The following TNS3 variants were observed in gnomAD, a reference collection of about 807,000 sequenced individuals.
TNS3 encodes tensin-3.
In TNS3, 45 loss-of-function variants were observed where a neutral mutation model predicts 140.9. The ratio of observed to expected loss-of-function variants is 0.32; its 90% CI spans 0.25 to 0.41. The LOEUF is 0.41. Ranked by LOEUF, TNS3 falls within the 10% of genes least tolerant of loss-of-function variation. The pLI, the probability that TNS3 is intolerant of heterozygous loss-of-function variation, is 1.00. For missense variants in TNS3, 1,716 were observed against 1,906.7 expected, an observed-to-expected ratio of 0.90 and a Z score of 1.86; for synonymous variants, 815 against 788.4, an observed-to-expected ratio of 1.03 and a Z score of -0.56.
At chr7:47,436,166 CAA>C (rs1795172384) in intron 7 of TNS3, among the ~76,000 whole-genome samples, 1 of 152,226 alleles carries the variant, frequency 6.6e-6, no homozygotes, top group Non-Finnish European at 1.5e-5. Flanking sequence ...TGCCACCACT[CAA>C]AGATAACCAC....
At chr7:47,350,559 CGT>C (rs1266202259) in intron 17 of TNS3, among the ~76,000 whole-genome samples, 2 of 152,158 alleles carry the variant, frequency 1.3e-5, no homozygotes, top group Non-Finnish European at 2.9e-5. Context: ...TTGCTCAAGG[CGT>C]TGCTACCGGG....
In TNS3 at chr7:47,280,500, G is replaced by A. The variant is rs895722774; in HGVS notation, c.4098-146C>T. The A allele has an allele frequency of 2.8e-5, 22 of 776,352 alleles. No homozygotes were observed. The East Asian group carries it at 5.5e-4, about 19-fold the overall frequency. The allele number at this position is 776,352 out of a possible 1,614,324, so 48.1% of individuals were successfully genotyped here. A position where few individuals can be genotyped will look rare whatever the true frequency, so the allele number is the denominator to read the frequency against. ...TTACTCATCACTTGGAGAGAAGAAA[G>A]TGCGTGCTCATTCAAAGTCAACAGA... On this transcript the variant is annotated intron_variant, in intron 28 of 30. Coordinates refer to ENST00000311160, the MANE Select transcript of TNS3 (RefSeq NM_022748.12).
chr7:47,324,768 T>G (rs1787935299), intron 20 of TNS3, among the ~76,000 whole-genome samples: 1 of 152,186 alleles, frequency 6.6e-6, no homozygotes, highest in Non-Finnish European at 1.5e-5. Flanking sequence ...TGAATAAATA[T>G]TTTTTAAAAG....
chr7:47,372,561 G>A (rs1220038412), intron 16 of TNS3, among the ~76,000 whole-genome samples: 1 of 152,178 alleles, frequency 6.6e-6, no homozygotes, highest in Admixed American at 6.5e-5. Context: ...GGGAGGGTAT[G>A]AATAATCCTA....
intron 4 of TNS3, among the ~76,000 whole-genome samples, chr7:47,465,103 C>G (rs955169489): frequency 2.0e-5 from 3 of 152,190 alleles, no homozygotes; most frequent in Non-Finnish European, 4.4e-5. Flanking sequence ...GTGAAACAAC[C>G]CTTTATTCAG....
In TNS3 at chr7:47,342,571, G is replaced by A. The variant is rs569691483; in HGVS notation, c.2650+2184C>T. ...ATGTGCTTTTTAGTTGTGACATTAG[G>A]TCACTTCTAGGTTAGACAAGACAAA... On this transcript the variant is annotated intron_variant, in intron 20 of 30. Transcript: ENST00000311160. 2.0e-5 allele frequency among the ~76,000 whole-genome samples: 3 copies of A among 152,328 alleles called. No individual in the cohort carries two copies. In the East Asian group the frequency reaches 5.8e-4, roughly 29 times the overall value.
chr7:47,406,056 G>T (rs372875365), intron 13 of TNS3, among the ~76,000 whole-genome samples: 1 of 152,156 alleles, frequency 6.6e-6, no homozygotes, highest in Non-Finnish European at 1.5e-5. Context: ...CCCGCTGCCC[G>T]CATGAATTCC....
rs1236694611 is a variant in TNS3, at chr7:47,305,927, A to G, written c.2651-924T>C. ...GAATATTAATGTAGAAAAAAACTCCATATTATTCATTTCCTGGAGAGGGTA... is the reference window on the plus strand; with the variant it reads ...GAATATTAATGTAGAAAAAAACTCCGTATTATTCATTTCCTGGAGAGGGTA... On this transcript the variant is annotated intron_variant, in intron 20 of 30. Coordinates refer to ENST00000311160, the MANE Select transcript of TNS3 (RefSeq NM_022748.12). Among the ~76,000 whole-genome samples, 4 of 152,224 alleles carry G rather than the reference A, an allele frequency of 2.6e-5. No individual in the cohort carries two copies. In the South Asian group the frequency reaches 6.2e-4, roughly 24 times the overall value.
intron 2 of TNS3, among the ~76,000 whole-genome samples, chr7:47,512,653 A>G (rs935618317): frequency 6.6e-6 from 1 of 152,164 alleles, no homozygotes. Flanking sequence ...AGAAAATGAC[A>G]CTGGAGAGAG....
chr7:47,443,053 C>T (rs1031989690), intron 4 of TNS3, among the ~76,000 whole-genome samples: 7 of 152,214 alleles, frequency 4.6e-5, no homozygotes, highest in Non-Finnish European at 7.3e-5. Flanking sequence ...CAGAGATCAT[C>T]GTCTCAGCCT....
chr7:47,489,512 T>G (rs940232631), intron 3 of TNS3, among the ~76,000 whole-genome samples: 2 of 152,242 alleles, frequency 1.3e-5, no homozygotes, highest in African/African-American at 4.8e-5. Flanking sequence ...CATTCTTTAC[T>G]TAGGCTGTGT....
chr7:47,379,496 G>C (rs1257786788), intron 16 of TNS3, among the ~76,000 whole-genome samples: 1 of 152,116 alleles, frequency 6.6e-6, no homozygotes, highest in Admixed American at 6.5e-5. Context: ...CTACACTTGG[G>C]TCTTTGAGAA....
chr7:47,535,163 G>A (rs1012906112), intron 1 of TNS3, among the ~76,000 whole-genome samples: 4 of 152,228 alleles, frequency 2.6e-5, no homozygotes, highest in South Asian at 2.1e-4. Context: ...GCGCCTGGCA[G>A]ACAGTGGACC....
intron 1 of TNS3, among the ~76,000 whole-genome samples, chr7:47,564,643 AAAAAAAC>A (rs544446606): frequency 0.41 from 43,049 of 104,250 alleles, 7,663 homozygotes; most frequent in South Asian, 0.46. Flanking sequence ...CTCAAAAAAA[AAAAAAAC>A]AAAAAAAAAC....
intron 22 of TNS3, 77 bp from the exon 23 acceptor site, chr7:47,302,349 G>T (rs148828532): frequency 1.6e-6 from 2 of 1,237,604 alleles, no homozygotes; most frequent in African/African-American, 1.5e-5. Context: ...TGTGATCCCA[G>T]AAGTCCAAAT....
intron 4 of TNS3, among the ~76,000 whole-genome samples, chr7:47,454,734 G>A (rs1796175625): frequency 6.6e-6 from 1 of 152,164 alleles, no homozygotes; most frequent in Admixed American, 6.5e-5. Flanking sequence ...CCCAATGGGA[G>A]TGTCCTCAAC....
chr7:47,518,996 A>G (rs334530), intron 2 of TNS3, among the ~76,000 whole-genome samples: 150,629 of 152,348 alleles, frequency 0.99, 74,478 homozygotes, highest in Middle Eastern at 1. Flanking sequence ...GAAGCACTCA[A>G]GAGCTGACAG....
At chr7:47,382,788 A>G (rs573449460) in intron 16 of TNS3, among the ~76,000 whole-genome samples, 2 of 152,078 alleles carry the variant, frequency 1.3e-5, no homozygotes, top group African/African-American at 4.8e-5. Flanking sequence ...TTCTCATCCT[A>G]AATACACCGT....
chr7:47,330,208 G>A (rs1235968233), intron 20 of TNS3, among the ~76,000 whole-genome samples: 1 of 152,142 alleles, frequency 6.6e-6, no homozygotes, highest in Non-Finnish European at 1.5e-5. Flanking sequence ...ACCACCCACT[G>A]CACCTTAGCA....
Sources: gnomAD v4.1 joint callset for allele counts (sites outside exome capture counted in the v4.1 genomes callset) on GRCh38, gnomAD v4.1.1 for gene constraint, MANE v1.5 for transcripts, NCBI Gene and HGNC (gene_info 2026-07-23, HGNC 2026-07-21) for gene names.